The following RTN1 variants were observed in gnomAD, a reference collection of about 807,000 sequenced individuals.
The protein encoded by RTN1 is reticulon 1.
Under a neutral mutation model 65.5 loss-of-function variants are expected in RTN1, and 25 were observed. The observed-to-expected ratio is 0.38, with a 90% confidence interval of 0.28 to 0.53. The LOEUF (loss-of-function observed/expected upper bound fraction) is 0.53, where lower values mean the gene tolerates loss of function less well. Among genes scored for constraint, RTN1 ranks in the 20% least tolerant of loss-of-function variants. The pLI, the probability that RTN1 is intolerant of heterozygous loss-of-function variation, is 0.79. For missense variants in RTN1, 983 were observed against 1,025.4 expected (o/e 0.96, Z 0.57); for synonymous variants, 471 against 447.6 (o/e 1.05, Z -0.66).
chr14:59,833,863 T>C (rs1469397382), intron 1 of RTN1, among the ~76,000 whole-genome samples: 1 of 152,206 alleles, frequency 6.6e-6, no homozygotes, highest in Non-Finnish European at 1.5e-5. Flanking sequence ...CTCTGAAACA[T>C]TGCAAGATTC....
chr14:59,797,231 C>A (rs1179611625), intron 1 of RTN1, among the ~76,000 whole-genome samples: 2 of 152,152 alleles, frequency 1.3e-5, no homozygotes, highest in Admixed American at 6.5e-5. Flanking sequence ...CCACTGTACA[C>A]CATTTTTGAG....
At chr14:59,611,087 G>C (rs940619530) in intron 3 of RTN1, among the ~76,000 whole-genome samples, 1 of 152,322 alleles carries the variant, frequency 6.6e-6, no homozygotes, top group Non-Finnish European at 1.5e-5. Context: ...AACAAAACTT[G>C]GTTCTCCCAC....
intron 1 of RTN1, among the ~76,000 whole-genome samples, chr14:59,828,033 A>G (rs55895601): frequency 5.3e-5 from 8 of 152,338 alleles, no homozygotes; most frequent in African/African-American, 1.9e-4. Flanking sequence ...TCTAGCTCCC[A>G]GGAAATGAGT....
At chr14:59,716,884 C>T (rs1035242865) in intron 3 of RTN1, among the ~76,000 whole-genome samples, 1 of 151,428 alleles carries the variant, frequency 6.6e-6, no homozygotes, top group Non-Finnish European at 1.5e-5. Context: ...AGGAGAATGG[C>T]GTGAACCCAG....
At chr14:59,708,312 C>A (rs1401636718) in intron 3 of RTN1, among the ~76,000 whole-genome samples, 1 of 152,226 alleles carries the variant, frequency 6.6e-6, no homozygotes, top group Admixed American at 6.5e-5. Context: ...ACAGCAGCAA[C>A]CCTCAGACAG....
intron 1 of RTN1, among the ~76,000 whole-genome samples, chr14:59,776,640 T>C (rs1289437263): frequency 6.6e-6 from 1 of 152,172 alleles, no homozygotes; most frequent in Non-Finnish European, 1.5e-5. Context: ...TCATTTGTTC[T>C]CAACCAGAAG....
intron 1 of RTN1, among the ~76,000 whole-genome samples, chr14:59,791,401 G>C (rs535953295): frequency 3.3e-5 from 5 of 152,270 alleles, no homozygotes; most frequent in African/African-American, 1.2e-4. Flanking sequence ...ACTTTAAGCA[G>C]TTACGGGTGG....
intron 1 of RTN1, among the ~76,000 whole-genome samples, chr14:59,748,350 C>T (rs1358146106): frequency 6.6e-6 from 1 of 152,000 alleles, no homozygotes; most frequent in African/African-American, 2.4e-5. Flanking sequence ...AGCCTCTTCC[C>T]TGTTCTAGCA....
chr14:59,642,703 T>A (rs1882805542), intron 3 of RTN1, among the ~76,000 whole-genome samples: 1 of 152,220 alleles, frequency 6.6e-6, no homozygotes, highest in African/African-American at 2.4e-5. Flanking sequence ...CTTCATCTTT[T>A]TTATCAATTT....
intron 3 of RTN1, among the ~76,000 whole-genome samples, chr14:59,624,895 C>T (rs1882352164): frequency 2.0e-5 from 3 of 152,194 alleles, no homozygotes; most frequent in Admixed American, 6.5e-5. Context: ...AAGTGTTATT[C>T]TGAAAGCTAA....
Position 59,606,125 on chromosome 14 carries a change from T to TATATATATATAA in RTN1, c.1974-620_1974-619insTTATATATATAT, listed in dbSNP as rs1345665820. 176 of 111,474 alleles carry TATATATATATAA rather than the reference T, an allele frequency of 1.6e-3. 17 individuals are homozygous for TATATATATATAA. The highest frequency in any genetic ancestry group is 6.2e-3 in the African/African-American group (161 of 26,070). The allele number at this position is 111,474 out of a possible 1,614,324, so 6.9% of individuals were successfully genotyped here. A position where few individuals can be genotyped will look rare whatever the true frequency, so the allele number is the denominator to read the frequency against. On this transcript the variant is annotated intron_variant, in intron 4 of 8. Transcript: ENST00000267484. ...CATGATATATATATATATATATATA[T>TATATATATATAA]ATCATACCAGCTTAAGCCTCCTCTG...
At chr14:59,814,821 T>G (rs2139617676) in intron 1 of RTN1, among the ~76,000 whole-genome samples, 1 of 152,372 alleles carries the variant, frequency 6.6e-6, no homozygotes, top group East Asian at 1.9e-4. Flanking sequence ...GACAGCCAAA[T>G]TCTCTCTGGG....
chr14:59,645,697 A>G (rs1882879597), intron 3 of RTN1, among the ~76,000 whole-genome samples: 1 of 151,980 alleles, frequency 6.6e-6, no homozygotes, highest in African/African-American at 2.4e-5. Flanking sequence ...CAGAGCATCC[A>G]CCTAATGGAA....
chr14:59,639,630 C>T (rs1882734882), intron 3 of RTN1, among the ~76,000 whole-genome samples: 1 of 152,118 alleles, frequency 6.6e-6, no homozygotes, highest in South Asian at 2.1e-4. Context: ...GAAAACTGTG[C>T]TCAAAATTTT....
chr14:59,739,898 C>T (rs774174707), intron 2 of RTN1, among the ~76,000 whole-genome samples: 3 of 152,138 alleles, frequency 2.0e-5, no homozygotes, highest in Non-Finnish European at 2.9e-5. Flanking sequence ...CTCTGTCTAA[C>T]CACCCAAACT....
intron 1 of RTN1, among the ~76,000 whole-genome samples, chr14:59,760,569 A>G (rs944514751): frequency 3.3e-5 from 5 of 152,374 alleles, no homozygotes; most frequent in African/African-American, 1.2e-4. Flanking sequence ...TGCACAAACT[A>G]TGATGGGAAC....
chr14:59,640,504 A>G (rs926130143), intron 3 of RTN1, among the ~76,000 whole-genome samples: 1 of 151,962 alleles, frequency 6.6e-6, no homozygotes, highest in African/African-American at 2.4e-5. Context: ...TTTAGTAGAG[A>G]TGGGGTTTCA....
chr14:59,684,814 C>T (rs1883814009), intron 3 of RTN1, among the ~76,000 whole-genome samples: 1 of 151,968 alleles, frequency 6.6e-6, no homozygotes, highest in Non-Finnish European at 1.5e-5. Context: ...AGTCTAAGTT[C>T]AAAATAGTTT....
At position 59,870,300 on chromosome 14, in the gene RTN1, G is replaced by A; in HGVS notation, c.241+90C>T. 2 of 1,277,658 alleles carry A rather than the reference G, an allele frequency of 1.6e-6. No homozygotes were observed. The highest frequency in any genetic ancestry group is 1.0e-6 in the Non-Finnish European group (1 of 998,864). The allele number at this position is 1,277,658 out of a possible 1,614,324, so 79.1% of individuals were successfully genotyped here. ...TCGGCGCTCAAGGCAGAAAGCGCGA[G>A]GCAGGTGCCCAGGAGAGCCGCGCAG... On this transcript the variant is annotated intron_variant, in intron 1 of 8. Coordinates refer to ENST00000267484, the MANE Select transcript of RTN1 (RefSeq NM_021136.3). The surrounding 1 kb of genome is among the most constrained non-coding windows in gnomAD (Gnocchi z 5.1).
Sources: gnomAD v4.1 joint callset for allele counts (sites outside exome capture counted in the v4.1 genomes callset) on GRCh38, gnomAD v4.1.1 for gene constraint, Gnocchi (gnomAD v3.1) non-coding constraint, MANE v1.5 for transcripts, NCBI Gene and HGNC (gene_info 2026-07-23, HGNC 2026-07-21) for gene names.